STARD13: variants seen among roughly 807,000 people sequenced by gnomAD.
STARD13 encodes the protein StAR related lipid transfer domain containing 13, also known as stAR-related lipid transfer protein 13.
In STARD13, 62 loss-of-function variants were observed where a neutral mutation model predicts 106.4. That is an observed-to-expected ratio of 0.58 (90% CI 0.48 to 0.72). STARD13 has a LOEUF of 0.72. STARD13 is among the 30% of genes least tolerant of loss of function. STARD13 has a pLI of 0.00. For synonymous variants in STARD13, 565 were observed against 553.0 expected (o/e 1.02, Z -0.31); for missense variants, 1,387 against 1,424.0 (o/e 0.97, Z 0.42).
the STARD13 span, among the ~76,000 whole-genome samples, chr13:33,448,095 G>A: frequency 6.6e-6 from 1 of 151,992 alleles, no homozygotes; most frequent in Admixed American, 6.6e-5. Flanking sequence ...ACATACTTAT[G>A]GGATATGTGA....
chr13:33,301,901 A>T (rs1892735508), intron 1 of STARD13, among the ~76,000 whole-genome samples: 1 of 151,970 alleles, frequency 6.6e-6, no homozygotes, highest in African/African-American at 2.4e-5. Context: ...GAAAGACTGG[A>T]CTTGCCCATT....
At chr13:33,288,590 TAA>T (rs916619339), upstream of STARD13, among the ~76,000 whole-genome samples, 23 of 150,626 alleles carry the variant, frequency 1.5e-4, no homozygotes, top group African/African-American at 4.6e-4. Context: ...TTTTTTTTTT[TAA>T]AAAAAGGGAA....
At chr13:33,120,561 A>G (rs1322239003) in intron 7 of STARD13, among the ~76,000 whole-genome samples, 1 of 152,176 alleles carries the variant, frequency 6.6e-6, no homozygotes, top group Non-Finnish European at 1.5e-5. Context: ...CATGGGAAAT[A>G]TAGACGTATA....
the STARD13 span, among the ~76,000 whole-genome samples, chr13:33,591,256 T>A: frequency 6.6e-6 from 1 of 152,240 alleles, no homozygotes; most frequent in Non-Finnish European, 1.5e-5. Context: ...CTAATAGTGA[T>A]TATCTGAAGC....
chr13:33,473,389 G>C, the STARD13 span, among the ~76,000 whole-genome samples: 2 of 152,206 alleles, frequency 1.3e-5, no homozygotes, highest in African/African-American at 4.8e-5. Flanking sequence ...AATCACATTT[G>C]AAGCCATATA....
chr13:33,313,339 A>T (rs540748387), intron 1 of STARD13, among the ~76,000 whole-genome samples: 1 of 152,368 alleles, frequency 6.6e-6, no homozygotes, highest in African/African-American at 2.4e-5. Flanking sequence ...AATAAGCAGA[A>T]GCCACCAATC....
At position 33,110,064 on chromosome 13, in the gene STARD13, C is replaced by T; in HGVS notation, c.2856G>A (p.Leu952=). The change falls in exon 12 of 14, where the codon CTG becomes CTA. Residue 952 remains leucine, a synonymous_variant. Transcript: ENST00000336934. ...CTTCCACCTCCACAGAAGCCTTCCA[C>T]AGCTTCAGCGGGTTCCCGTCGCCCA... The part of the protein sequence containing the change: ...KKVGDGNPLK[L]WKASVEVEAP... 1 of 1,614,236 alleles carries T rather than the reference C, an allele frequency of 6.2e-7. No individual in the cohort carries two copies. Among genetic ancestry groups the T allele is most frequent in the Non-Finnish European group, 8.5e-7 (1 of 1,180,038 alleles).
chr13:33,631,676 A>T, the STARD13 span, among the ~76,000 whole-genome samples: 1 of 152,218 alleles, frequency 6.6e-6, no homozygotes, highest in East Asian at 1.9e-4. Context: ...GTTGAATTTG[A>T]TTAATTGAAA....
At chr13:33,569,184 A>G in the STARD13 span, among the ~76,000 whole-genome samples, 1 of 148,186 alleles carries the variant, frequency 6.7e-6, no homozygotes, top group Non-Finnish European at 1.5e-5. Flanking sequence ...AATCTTGTAT[A>G]TGATGTTATA....
chr13:33,486,834 C>G, the STARD13 span, among the ~76,000 whole-genome samples: 1 of 152,156 alleles, frequency 6.6e-6, no homozygotes, highest in Non-Finnish European at 1.5e-5. Flanking sequence ...CCTGTTAGGA[C>G]TTTTATGACA....
chr13:33,273,299 T>C (rs1354304586), intron 1 of STARD13, among the ~76,000 whole-genome samples: 12 of 152,360 alleles, frequency 7.9e-5, no homozygotes, highest in African/African-American at 2.4e-4. Flanking sequence ...GGAATTAATA[T>C]GACAACCGTT....
intron 7 of STARD13, among the ~76,000 whole-genome samples, chr13:33,123,946 G>A (rs565479): frequency 0.3 from 46,117 of 152,106 alleles, 8,153 homozygotes; most frequent in Non-Finnish European, 0.41. Context: ...GGATGTTCTC[G>A]TCTTCTGCAG....
chr13:33,643,161 A>ACG, the STARD13 span, among the ~76,000 whole-genome samples: 266 of 105,020 alleles, frequency 2.5e-3, 4 homozygotes, highest in African/African-American at 0.018. Flanking sequence ...TAGAACATGC[A>ACG]CACACACACA....
chr13:33,444,637 T>C, the STARD13 span, among the ~76,000 whole-genome samples: 1 of 151,974 alleles, frequency 6.6e-6, no homozygotes, highest in Non-Finnish European at 1.5e-5. Context: ...GTGTGATAGC[T>C]TACATCTGTA....
rs766245293 is a variant in STARD13 at position 33,129,654 on chromosome 13, G to A, written c.1023C>T (p.Ser341=). 51 of 1,613,902 alleles carry A rather than the reference G, an allele frequency of 3.2e-5. No individual in the cohort carries two copies. Among genetic ancestry groups the A allele is most frequent in the Middle Eastern group, 3.3e-4 (2 of 6,062 alleles). Reference sequence around the variant, plus strand: ...CCTTCAGGCAGGGCGTGCTCACCCCGCTGCTGCTGTGCTCCGACGGGCTGC... The same window carrying A: ...CCTTCAGGCAGGGCGTGCTCACCCCACTGCTGCTGTGCTCCGACGGGCTGC... ...GESSPSEHSS[S]GVSTPCLKER... is the part of the protein sequence containing the mutation. The change falls in exon 5 of 14, where the codon AGC becomes AGT. Residue 341 remains serine, a synonymous_variant. Transcript: ENST00000336934.
the STARD13 span, among the ~76,000 whole-genome samples, chr13:33,618,398 A>G: frequency 1.1e-4 from 16 of 152,246 alleles, no homozygotes; most frequent in Non-Finnish European, 1.5e-4. Flanking sequence ...TAAAATGGGT[A>G]AAATATAAAG....
the STARD13 span, among the ~76,000 whole-genome samples, chr13:33,489,587 C>A: frequency 6.6e-6 from 1 of 152,128 alleles, no homozygotes; most frequent in South Asian, 2.1e-4. Context: ...AAACAATGTA[C>A]CTATTAAAAT....
chr13:33,233,099 T>C (rs529782788), intron 1 of STARD13, among the ~76,000 whole-genome samples: 1 of 152,342 alleles, frequency 6.6e-6, no homozygotes, highest in Admixed American at 6.5e-5. Flanking sequence ...GGCAGCCAAA[T>C]GCCTCAGCAG....
the STARD13 span, among the ~76,000 whole-genome samples, chr13:33,638,754 T>C: frequency 6.6e-6 from 1 of 152,216 alleles, no homozygotes; most frequent in Non-Finnish European, 1.5e-5. Flanking sequence ...CAGTACGTCC[T>C]GAACTAGTTT....
Sources: gnomAD v4.1 joint callset for allele counts (sites outside exome capture counted in the v4.1 genomes callset) on GRCh38, gnomAD v4.1.1 for gene constraint, MANE v1.5 for transcripts, NCBI Gene and HGNC (gene_info 2026-07-23, HGNC 2026-07-21) for gene names.